The following DLG2 variants were observed in gnomAD, a reference collection of about 807,000 sequenced individuals.
The protein encoded by DLG2 is disks large homolog 2.
DLG2 carries 45 observed loss-of-function variants against 132.5 expected under a neutral mutation model. The observed-to-expected ratio is 0.34, with a 90% CI of 0.27 to 0.44. The LOEUF is 0.44. DLG2 is among the 20% of genes least tolerant of loss of function. DLG2 has a pLI of 1.00. For synonymous variants in DLG2, 424 were observed against 419.6 expected (o/e 1.01, Z -0.13); for missense variants, 1,045 against 1,196.9 (o/e 0.87, Z 1.87).
At chr11:84,123,871 T>C (rs1009888577) in intron 9 of DLG2, among the ~76,000 whole-genome samples, 2 of 152,218 alleles carry the variant, frequency 1.3e-5, no homozygotes, top group African/African-American at 4.8e-5. Flanking sequence ...TTGAGGCATG[T>C]GCTTTCATTA....
At chr11:84,861,801 T>G (rs931394973) in intron 6 of DLG2, among the ~76,000 whole-genome samples, 2 of 151,660 alleles carry the variant, frequency 1.3e-5, no homozygotes, top group Non-Finnish European at 2.9e-5. Flanking sequence ...GCAAAGAATA[T>G]GAACAGACAC....
intron 8 of DLG2, among the ~76,000 whole-genome samples, chr11:84,181,930 T>C (rs754569460): frequency 1.3e-5 from 2 of 152,168 alleles, no homozygotes; most frequent in Non-Finnish European, 2.9e-5. Flanking sequence ...CTATTATAGT[T>C]GGAGACTTGA....
intron 4 of DLG2, among the ~76,000 whole-genome samples, chr11:85,173,686 G>T (rs568182876): frequency 4.6e-5 from 7 of 151,986 alleles, no homozygotes; most frequent in Non-Finnish European, 1.0e-4. Context: ...ATGGCAAGCT[G>T]GATAGAGTCA....
At chr11:85,337,092 A>G (rs1004963020) in intron 3 of DLG2, among the ~76,000 whole-genome samples, 1 of 152,208 alleles carries the variant, frequency 6.6e-6, no homozygotes, top group African/African-American at 2.4e-5. Context: ...TAGTTCAATA[A>G]AGTTTAAATC....
At chr11:85,384,202 A>G (rs2086135926) in intron 3 of DLG2, among the ~76,000 whole-genome samples, 1 of 152,148 alleles carries the variant, frequency 6.6e-6, no homozygotes, top group Non-Finnish European at 1.5e-5. Flanking sequence ...GAAAGGTATT[A>G]TTCTTATTCT....
At chr11:84,869,729 G>A (rs564233170) in intron 6 of DLG2, among the ~76,000 whole-genome samples, 4 of 152,228 alleles carry the variant, frequency 2.6e-5, no homozygotes, top group South Asian at 2.1e-4. Context: ...CTGAGGAAAG[G>A]GGCTGTCTCT....
intron 3 of DLG2, among the ~76,000 whole-genome samples, chr11:85,332,989 T>C (rs751662111): frequency 8.5e-5 from 13 of 152,202 alleles, no homozygotes; most frequent in Non-Finnish European, 1.5e-4. Flanking sequence ...CTTTGAAAAA[T>C]GTCATTGCTA....
chr11:85,039,130 T>G (rs1038273835), intron 6 of DLG2, among the ~76,000 whole-genome samples: 12 of 151,962 alleles, frequency 7.9e-5, no homozygotes, highest in African/African-American at 2.9e-4. Context: ...TTATCCTAAA[T>G]TTTTGGAATT....
intron 6 of DLG2, among the ~76,000 whole-genome samples, chr11:84,881,592 C>CT (rs1362014483): frequency 6.6e-6 from 1 of 151,384 alleles, no homozygotes; most frequent in Non-Finnish European, 1.5e-5. Context: ...CTGTTGGATG[C>CT]TTATTACCCC....
chr11:84,754,774 G>C lies in DLG2; in HGVS notation c.358-220043C>G, dbSNP rs144091154. On this transcript the variant is annotated intron_variant, in intron 6 of 27. Transcript: ENST00000376104. ...TGCAAAACCAAGAGTAAACCTTAGC[G>C]TGAACCATGGACTTAGGTGATTATG... Among the ~76,000 whole-genome samples, 93 of 152,254 alleles carry C rather than the reference G, an allele frequency of 6.1e-4. 1 individual carries two copies. The South Asian group carries it at 0.01, about 17-fold the overall frequency.
At chr11:84,027,748 A>G (rs1379551165) in intron 11 of DLG2, among the ~76,000 whole-genome samples, 8 of 152,080 alleles carry the variant, frequency 5.3e-5, no homozygotes, top group African/African-American at 1.4e-4. Context: ...CAAAAGTTGG[A>G]TATCACTTAG....
intron 6 of DLG2, among the ~76,000 whole-genome samples, chr11:84,928,875 ATT>A (rs1252367187): frequency 3.4e-5 from 5 of 149,148 alleles, no homozygotes; most frequent in Non-Finnish European, 7.4e-5. Flanking sequence ...ATTGGATGTC[ATT>A]TTGTTTCATT....
chr11:85,227,511 G>T (rs933809780), intron 4 of DLG2, among the ~76,000 whole-genome samples: 1 of 152,038 alleles, frequency 6.6e-6, no homozygotes, highest in Admixed American at 6.6e-5. Context: ...CACTAACATG[G>T]CAAAGAAAAC....
chr11:83,751,777 T>C (rs559297144), intron 18 of DLG2, among the ~76,000 whole-genome samples: 1 of 152,138 alleles, frequency 6.6e-6, no homozygotes, highest in Non-Finnish European at 1.5e-5. Flanking sequence ...AAGGTCAATT[T>C]TGGACATGCT....
chr11:84,045,449 A>C (rs924973127), intron 11 of DLG2, among the ~76,000 whole-genome samples: 31 of 151,880 alleles, frequency 2.0e-4, no homozygotes, highest in African/African-American at 7.0e-4. Context: ...ACAAATACAA[A>C]ATTATTCTAA....
At chr11:84,254,595 C>T (rs959256401) in intron 7 of DLG2, among the ~76,000 whole-genome samples, 2 of 152,144 alleles carry the variant, frequency 1.3e-5, no homozygotes, top group South Asian at 2.1e-4. Context: ...TCTCATGATA[C>T]CAAGACTGTG....
At chr11:83,923,462 C>A (rs1445927274) in intron 15 of DLG2, among the ~76,000 whole-genome samples, 1 of 152,084 alleles carries the variant, frequency 6.6e-6, no homozygotes, top group Non-Finnish European at 1.5e-5. Flanking sequence ...CGGGCACAAT[C>A]CTTAGCTCCT....
chr11:84,094,344 T>G (rs2154173565), intron 10 of DLG2, among the ~76,000 whole-genome samples: 1 of 152,280 alleles, frequency 6.6e-6, no homozygotes, highest in Non-Finnish European at 1.5e-5. Context: ...GTCTTTATTA[T>G]TAGGATTATT....
At chr11:83,866,367 A>T (rs1487635792) in intron 16 of DLG2, among the ~76,000 whole-genome samples, 1 of 152,170 alleles carries the variant, frequency 6.6e-6, no homozygotes, top group African/African-American at 2.4e-5. Flanking sequence ...TAAGCAACTA[A>T]ATCTTGTCAT....
Sources: allele counts gnomAD v4.1 joint callset (sites outside exome capture counted in the v4.1 genomes callset), GRCh38; gene constraint gnomAD v4.1.1; transcripts MANE v1.5; gene names NCBI Gene and HGNC (gene_info 2026-07-23, HGNC 2026-07-21).